The following TOE1 variants were observed in gnomAD, a reference collection of about 807,000 sequenced individuals.
TOE1 encodes target of EGR1, exonuclease, also known as target of EGR1 protein 1.
In TOE1, 50 loss-of-function variants were observed where a neutral mutation model predicts 49.2. That is an observed-to-expected ratio of 1.02 (90% confidence interval 0.81 to 1.29). TOE1 has a LOEUF of 1.29. Among genes scored for constraint, TOE1 ranks in the 50% most tolerant of loss-of-function variants. The pLI, the probability that TOE1 is intolerant of heterozygous loss-of-function variation, is 0.00. For missense variants in TOE1, 544 were observed against 654.4 expected (o/e 0.83, Z 1.84); for synonymous variants, 221 against 247.0 (o/e 0.89, Z 0.99).
In TOE1 at chr1:45,343,169, G is replaced by A; in HGVS notation, c.1000G>A (p.Asp334Asn). 1 of 1,613,954 alleles carries A rather than the reference G, an allele frequency of 6.2e-7. No individual in the cohort carries two copies. Among genetic ancestry groups the A allele is most frequent in the Non-Finnish European group, 8.5e-7 (1 of 1,180,016 alleles). Reference protein sequence around the residue: ...IIDTDEAAAEDKRRRRRRREK... With the variant: ...IIDTDEAAAENKRRRRRRREK... ...TGACACTGATGAGGCTGCGGCAGAGGACAAGCGGCGACGGCGACGACGTAG... is the reference window on the plus strand; with the variant it reads ...TGACACTGATGAGGCTGCGGCAGAGAACAAGCGGCGACGGCGACGACGTAG... The change falls in exon 8 of 8, where the codon GAC becomes AAC. Residue 334 changes from aspartate (D) to asparagine (N), a missense_variant. Asp to Asn is a conservative substitution (Grantham distance 23, BLOSUM62 1). Transcript: ENST00000372090. The surrounding 1 kb of genome is among the most constrained non-coding windows in gnomAD (Gnocchi z 4.3).
chr1:45,340,466 G>A (rs1197880111), intron 1 of TOE1, 162 bp downstream of exon 1: 2 of 1,472,710 alleles, frequency 1.4e-6, no homozygotes, highest in Non-Finnish European at 1.8e-6. Flanking sequence ...CCGCGGCTCC[G>A]GCTGCAAAAG....
chr1:45,341,596 A>G, intron 4 of TOE1, 27 bp downstream of exon 4: 1 of 1,600,318 alleles, frequency 6.2e-7, no homozygotes, highest in South Asian at 1.1e-5. Context: ...CCCCAATCCT[A>G]GGTGTGGCTG....
In TOE1 at chr1:45,341,192, G is replaced by T; in HGVS notation, c.172G>T (p.Ala58Ser). ...ATCCCTCCTGCTAGCCATAAAGACA[G>T]CTAATTTCGTGGCTGTGGACACGGT... ...WPSLLLAIKT[A>S]NFVAVDTELS... is the part of the protein sequence containing the mutation. The change falls in exon 2 of 8, where the codon GCT becomes TCT. Residue 58 changes from alanine (A) to serine (S), a missense_variant. Transcript: ENST00000372090. The T allele has an allele frequency of 1.2e-6, 2 of 1,614,202 alleles. No homozygotes were observed. Among genetic ancestry groups the T allele is most frequent in the Non-Finnish European group, 1.7e-6 (2 of 1,180,044 alleles).
intron 4 of TOE1, 134 bp from the exon 5 acceptor site, chr1:45,341,815 A>C (rs1647005549): frequency 1.0e-6 from 1 of 963,340 alleles, no homozygotes; most frequent in Admixed American, 2.3e-5. Context: ...CCCAATGCGT[A>C]GTCTTTTATC....
chr1:45,340,866 A>G (rs1326403551), intron 1 of TOE1, among the ~76,000 whole-genome samples: 1 of 152,216 alleles, frequency 6.6e-6, no homozygotes, highest in Non-Finnish European at 1.5e-5. Flanking sequence ...CATACAAGCC[A>G]GTAGAAGACT....
At position 45,343,348 on chromosome 1, in the gene TOE1, T is replaced by A; in HGVS notation, c.1179T>A (p.Pro393=). ...CTGCCGATGAAACTAGGAACCTGCCTCACTCCAAGCAAGGCAACAAAAATG... is the reference window on the plus strand; with the variant it reads ...CTGCCGATGAAACTAGGAACCTGCCACACTCCAAGCAAGGCAACAAAAATG... ...EVAADETRNL[P]HSKQGNKNDL... Residue 393 remains proline, a synonymous_variant, in exon 8 of 8, where the codon CCT becomes CCA. Transcript: ENST00000372090. The surrounding 1 kb of genome is among the most constrained non-coding windows in gnomAD (Gnocchi z 4.3). 1 of 1,613,940 alleles carries A rather than the reference T, an allele frequency of 6.2e-7. No homozygotes were observed. The highest frequency in any genetic ancestry group is 8.5e-7 in the Non-Finnish European group (1 of 1,180,006).
At position 45,342,885 on chromosome 1, in the gene TOE1, C is replaced by A; in HGVS notation, c.795C>A (p.His265Gln). The A allele has an allele frequency of 2.5e-6, 4 of 1,614,064 alleles. No homozygotes were observed. The highest frequency in any genetic ancestry group is 3.4e-6 in the Non-Finnish European group (4 of 1,180,028). The change falls in exon 7 of 8, where the codon CAC becomes CAA. Residue 265 changes from histidine to glutamine, a missense_variant. Transcript: ENST00000372090. ...AGCAGCGGGCAGCTGGCAGCCCACA[C>A]CTTACCCTGGAGTTCTGCAACTATC... ...NGKQRAAGSP[H>Q]LTLEFCNYPS...
Position 45,341,344 on chromosome 1 carries a change from G to C in TOE1, c.236+1G>C. On this transcript the variant is annotated splice_donor_variant, in intron 3 of 7. Transcript: ENST00000372090. LOFTEE classifies it high-confidence loss of function. ...GGGACAGGAAGAGTTTGCTGAACCA[G>C]TAAGTATAAGCCCTTTTCTCTTTAG... 1 of 1,614,164 alleles carries C rather than the reference G, an allele frequency of 6.2e-7. No individual in the cohort carries two copies.
In TOE1 at chr1:45,341,100, G is replaced by C; in HGVS notation, c.80G>C (p.Gly27Ala). Reference sequence around the variant, plus strand: ...GGTGTCAGCAAAAGCACAACATCTGGGGAGGAGCTAGTAGTCCAGGTTCCC... The same window carrying C: ...GGTGTCAGCAAAAGCACAACATCTGCGGAGGAGCTAGTAGTCCAGGTTCCC... ...DGGVSKSTTS[G>A]EELVVQVPVV... The change falls in exon 2 of 8, where the codon GGG (glycine) becomes GCG (alanine). Residue 27 changes from glycine (G) to alanine (A), a missense_variant. Gly to Ala is a moderately conservative substitution (Grantham distance 60). Transcript: ENST00000372090. 3.1e-6 allele frequency: 5 copies of C among 1,614,200 alleles called. No homozygotes were observed. Among genetic ancestry groups the C allele is most frequent in the Non-Finnish European group, 4.2e-6 (5 of 1,180,042 alleles).
chr1:45,341,930 A>G lies in TOE1; in HGVS notation c.334-19A>G. The G allele has an allele frequency of 6.2e-7, 1 of 1,612,086 alleles. No homozygotes were observed. Reference sequence around the variant, plus strand: ...TGGCTCTCTGAAATCTTGATATAGCAGACTTCTCTTTCTCCCAGGGTGAAC... The same window carrying G: ...TGGCTCTCTGAAATCTTGATATAGCGGACTTCTCTTTCTCCCAGGGTGAAC... On this transcript the variant is annotated intron_variant, in intron 4 of 7. Coordinates refer to ENST00000372090, the MANE Select transcript of TOE1 (RefSeq NM_025077.4).
In TOE1 at chr1:45,343,561, C is replaced by T. The variant is rs776079665; in HGVS notation, c.1392C>T (p.Ser464=). The T allele has an allele frequency of 6.2e-7, 1 of 1,614,080 alleles. No homozygotes were observed. The highest frequency in any genetic ancestry group is 1.1e-5 in the South Asian group (1 of 91,084). Residue 464 remains serine, a synonymous_variant, in exon 8 of 8, where the codon AGC becomes AGT. Transcript: ENST00000372090. The surrounding 1 kb of genome is among the most constrained non-coding windows in gnomAD (Gnocchi z 4.3). ...VEVSQGPQPC[S]SGPWLPECHN... ...TGAGCCAGGGACCGCAGCCCTGCAG[C>T]TCTGGACCCTGGCTCCCTGAATGCC...
In TOE1 at chr1:45,343,626, CAG is replaced by C; in HGVS notation, c.1458_1459del (p.Val487GlyfsTer23). 3.1e-6 allele frequency: 5 copies of C among 1,614,134 alleles called. No homozygotes were observed. Among genetic ancestry groups the C allele is most frequent in the Non-Finnish European group, 4.2e-6 (5 of 1,180,014 alleles). ...TTGAGTGGCAAAGCTGTACCCCTCA[CAG>C]TGGCCAAGAGCCAGTTCTCTCGTTC... On this transcript the variant is annotated frameshift_variant, in exon 8 of 8. Transcript: ENST00000372090. LOFTEE classifies it high-confidence loss of function. This position sits in a 1 kb window ranked among gnomAD's most constrained non-coding sequence, Gnocchi z 4.3.
At chr1:45,342,318 G>A in intron 5 of TOE1, 66 bp from the exon 6 acceptor site, 1 of 1,580,716 alleles carries the variant, frequency 6.3e-7, no homozygotes, top group Non-Finnish European at 8.6e-7. Context: ...TCTGGGATAA[G>A]TGCCCAGCAG....
chr1:45,341,398 G>A, intron 3 of TOE1, 55 bp downstream of exon 3: 3 of 1,614,058 alleles, frequency 1.9e-6, no homozygotes, highest in Non-Finnish European at 2.5e-6. Flanking sequence ...GAGTGGGGGG[G>A]TCACAGACCT....
chr1:45,342,418 T>C lies in TOE1; in HGVS notation c.527T>C (p.Leu176Pro). Residue 176 changes from leucine to proline, a missense_variant, in exon 6 of 8, where the codon CTA becomes CCA. Transcript: ENST00000372090. ...DESQSQSVRT[L>P]FLELIRARRP... ...AGCCAGAGCCAGTCAGTACGGACCC[T>C]ATTCCTGGAGCTAATCCGAGCCCGC... The C allele has an allele frequency of 6.2e-7, 1 of 1,614,126 alleles. No homozygotes were observed. Among genetic ancestry groups the C allele is most frequent in the Non-Finnish European group, 8.5e-7 (1 of 1,180,026 alleles).
intron 1 of TOE1, chr1:45,340,662 G>A (rs935830179): frequency 1.8e-6 from 2 of 1,139,722 alleles, no homozygotes; most frequent in Admixed American, 3.5e-5. Context: ...GGCTTACTGG[G>A]AGCTGTTGCT....
rs1553136984 is a variant in TOE1, at chr1:45,340,218, C to T, written c.-35C>T. 6.2e-7 allele frequency: 1 copy of T among 1,613,712 alleles called. No homozygotes were observed. Among genetic ancestry groups the T allele is most frequent in the Non-Finnish European group, 8.5e-7 (1 of 1,180,038 alleles). On this transcript the variant is annotated 5_prime_UTR_variant, in exon 1 of 8. Coordinates refer to ENST00000372090, the MANE Select transcript of TOE1 (RefSeq NM_025077.4). ...GGAGACGGACCGCAAGTCCAGCGTA[C>T]CCACAGACGACTCAGGCGGGAGACG...
intron 4 of TOE1, 114 bp downstream of exon 4, chr1:45,341,683 A>T: frequency 2.0e-6 from 2 of 1,014,596 alleles, no homozygotes; most frequent in Non-Finnish European, 1.4e-6. Flanking sequence ...TTTTGACTTG[A>T]TAGTTTTTTT....
chr1:45,343,682 C>T lies in TOE1; in HGVS notation c.1513C>T (p.Leu505Phe). The T allele has an allele frequency of 1.2e-6, 2 of 1,609,856 alleles. No individual in the cohort carries two copies. The highest frequency in any genetic ancestry group is 1.7e-6 in the Non-Finnish European group (2 of 1,176,436). The change falls in exon 8 of 8, where the codon CTC (leucine) becomes TTC (phenylalanine). Residue 505 changes from leucine to phenylalanine, a missense_variant. Physicochemically the swap from Leu to Phe is conservative, Grantham distance 22. Coordinates refer to ENST00000372090, the MANE Select transcript of TOE1 (RefSeq NM_025077.4). The surrounding 1 kb of genome is among the most constrained non-coding windows in gnomAD (Gnocchi z 4.3). ...SSKAHNQKMK[L>F]TWGSS ...CAAAGCCCACAATCAGAAGATGAAG[C>T]TCACTTGGGGCAGTAGCTGATGCAA...
Sources: gnomAD v4.1 joint callset for allele counts (sites outside exome capture counted in the v4.1 genomes callset) on GRCh38, gnomAD v4.1.1 for gene constraint, Gnocchi (gnomAD v3.1) non-coding constraint, MANE v1.5 for transcripts, NCBI Gene and HGNC (gene_info 2026-07-23, HGNC 2026-07-21) for gene names.